SAMD8: variants seen among roughly 807,000 people sequenced by gnomAD.
The protein encoded by SAMD8 is sterile alpha motif domain containing 8, also known as sphingomyelin synthase-related protein 1.
SAMD8 carries 20 observed loss-of-function variants against 42.0 expected under a neutral mutation model. That is an observed-to-expected ratio of 0.48 (90% CI 0.34 to 0.69). SAMD8 has a LOEUF of 0.69. Among genes scored for constraint, SAMD8 ranks in the 30% least tolerant of loss-of-function variants. The probability of loss-of-function intolerance (pLI) is 0.01; values close to 1 mark genes in which losing one functional copy is unlikely to be tolerated. For missense variants in SAMD8, 328 were observed against 511.6 expected, an observed-to-expected ratio of 0.64 and a Z score of 3.46; for synonymous variants, 162 against 173.0, an observed-to-expected ratio of 0.94 and a Z score of 0.50.
At chr10:75,107,721 T>C (rs1247158210), upstream of SAMD8, among the ~76,000 whole-genome samples, 7 of 152,036 alleles carry the variant, frequency 4.6e-5, no homozygotes, top group Admixed American at 3.3e-4. Context: ...AGATTATAGG[T>C]GGGTGCCACC....
chr10:75,172,417 C>T (rs2132215916), intron 4 of SAMD8, among the ~76,000 whole-genome samples: 4 of 152,032 alleles, frequency 2.6e-5, no homozygotes, highest in Admixed American at 2.6e-4. Flanking sequence ...CACTGTCAGC[C>T]TAAAATTCCT....
chr10:75,167,289 C>G (rs1840709231), intron 3 of SAMD8, among the ~76,000 whole-genome samples: 1 of 152,056 alleles, frequency 6.6e-6, no homozygotes, highest in Non-Finnish European at 1.5e-5. Context: ...TAGGGTCTTG[C>G]CCTGTCACCC....
At chr10:75,099,642 C>T in exon 1 of SAMD8, 1 of 869,616 alleles carries the variant, frequency 1.1e-6, no homozygotes, top group East Asian at 3.4e-5. Context: ...TCTAAACCCC[C>T]AGGCCTCCTC....
chr10:75,109,288 G>T, upstream of SAMD8: 1 of 1,070,252 alleles, frequency 9.3e-7, no homozygotes, highest in Non-Finnish European at 1.3e-6. Context: ...GGGGCCTCTG[G>T]AGTGGACAAG....
At chr10:75,107,600 G>C (rs373005108), upstream of SAMD8, among the ~76,000 whole-genome samples, 5 of 152,114 alleles carry the variant, frequency 3.3e-5, no homozygotes, top group East Asian at 7.7e-4. Flanking sequence ...GGGGGGGGAT[G>C]GAGTTTCGCC....
chr10:75,174,067 G>A (rs1385901376), intron 4 of SAMD8, among the ~76,000 whole-genome samples: 3 of 152,058 alleles, frequency 2.0e-5, no homozygotes, highest in Non-Finnish European at 2.9e-5. Flanking sequence ...TTATTAAATT[G>A]TATTATTATA....
chr10:75,133,119 G>A (rs1465597692), intron 1 of SAMD8, among the ~76,000 whole-genome samples: 1 of 151,700 alleles, frequency 6.6e-6, no homozygotes, highest in Non-Finnish European at 1.5e-5. Context: ...TTAAAATAGA[G>A]GCTGGGTGTG....
chr10:75,129,745 G>A (rs1418805326), intron 1 of SAMD8, among the ~76,000 whole-genome samples: 1 of 152,182 alleles, frequency 6.6e-6, no homozygotes, highest in Non-Finnish European at 1.5e-5. Context: ...ACATATGATT[G>A]GAGATTTGTG....
At chr10:75,108,502 AC>A (rs1455344895), upstream of SAMD8, among the ~76,000 whole-genome samples, 1 of 152,072 alleles carries the variant, frequency 6.6e-6, no homozygotes, top group Non-Finnish European at 1.5e-5. Flanking sequence ...CAGCCCTGGA[AC>A]CTGGCTGCCC....
intron 1 of SAMD8, among the ~76,000 whole-genome samples, chr10:75,116,738 A>G (rs11595051): frequency 0.09 from 13,723 of 152,226 alleles, 688 homozygotes; most frequent in Middle Eastern, 0.14. Context: ...CATTTTCACA[A>G]TATTTAATGG....
chr10:75,106,279 C>T (rs970418282), intron 1 of SAMD8, among the ~76,000 whole-genome samples: 4 of 151,862 alleles, frequency 2.6e-5, no homozygotes, highest in African/African-American at 7.3e-5. Context: ...TGGCCCCTGT[C>T]GCCTCATCTC....
At chr10:75,102,616 T>G (rs1848240530) in intron 1 of SAMD8, among the ~76,000 whole-genome samples, 1 of 151,936 alleles carries the variant, frequency 6.6e-6, no homozygotes, top group Admixed American at 6.6e-5. Flanking sequence ...AAGACCAGTC[T>G]AGGCAATATA....
chr10:75,151,513 C>G (rs538889323), intron 2 of SAMD8, among the ~76,000 whole-genome samples: 4 of 151,864 alleles, frequency 2.6e-5, no homozygotes, highest in African/African-American at 9.7e-5. Flanking sequence ...TCCACCATGC[C>G]CAGCTAATTT....
At chr10:75,144,738 G>T (rs540299547) in intron 1 of SAMD8, among the ~76,000 whole-genome samples, 16 of 152,166 alleles carry the variant, frequency 1.1e-4, no homozygotes, top group African/African-American at 3.9e-4. Context: ...GTCCACTGCA[G>T]CCTTGAACTC....
rs74863598 is a variant in SAMD8, at chr10:75,157,482, G to C, written c.578+6376G>C. On this transcript the variant is annotated intron_variant, in intron 2 of 5. Transcript: ENST00000542569. Reference sequence around the variant, plus strand: ...ATAACAGAGGGGAAGGTAGAAAATAGGAAAATAGGTGGAGGTTGCCATATG... The same window carrying C: ...ATAACAGAGGGGAAGGTAGAAAATACGAAAATAGGTGGAGGTTGCCATATG... 6.6e-5 allele frequency among the ~76,000 whole-genome samples: 10 copies of C among 152,288 alleles called. No individual in the cohort carries two copies. In the East Asian group the frequency reaches 1.9e-3, roughly 29 times the overall value.
intron 1 of SAMD8, among the ~76,000 whole-genome samples, chr10:75,142,191 G>A (rs562124290): frequency 5.3e-5 from 8 of 151,168 alleles, no homozygotes; most frequent in East Asian, 2.0e-4. Flanking sequence ...GAGGTGATCC[G>A]CCTGTCTCAG....
chr10:75,181,301 C>T lies in SAMD8; in HGVS notation c.*4609C>T, dbSNP rs1262490220. 1 of 152,172 alleles carries T rather than the reference C, an allele frequency of 6.6e-6. No individual in the cohort carries two copies. The highest frequency in any genetic ancestry group is 1.9e-4 in the East Asian group (1 of 5,196). The allele number at this position is 152,172 out of a possible 1,614,324, so 9.4% of individuals were successfully genotyped here. A position where few individuals can be genotyped will look rare whatever the true frequency, so the allele number is the denominator to read the frequency against. On this transcript the variant is annotated 3_prime_UTR_variant, in exon 6 of 6. Transcript: ENST00000542569. ...GAGAATTGTTAGTAACATCAAAGGT[C>T]AGAATGCTTCAGGTGACTAATAAGA...
At chr10:75,163,873 A>G (rs1840615515) in intron 2 of SAMD8, among the ~76,000 whole-genome samples, 1 of 152,106 alleles carries the variant, frequency 6.6e-6, no homozygotes. Flanking sequence ...AATAGAAAAA[A>G]AACCAGGGTT....
chr10:75,159,063 CTTT>C (rs530043259), intron 2 of SAMD8, among the ~76,000 whole-genome samples: 2 of 133,458 alleles, frequency 1.5e-5, no homozygotes, highest in Non-Finnish European at 1.6e-5. Flanking sequence ...TTTTCTTTTT[CTTT>C]TTTTTTTTTT....
Sources: allele counts gnomAD v4.1 joint callset (sites outside exome capture counted in the v4.1 genomes callset), GRCh38; gene constraint gnomAD v4.1.1; transcripts MANE v1.5; gene names NCBI Gene and HGNC (gene_info 2026-07-23, HGNC 2026-07-21).